The following KCNU1 variants were observed in gnomAD, a reference collection of about 807,000 sequenced individuals.
KCNU1 encodes the protein potassium calcium-activated channel subfamily U member 1.
KCNU1 carries 93 observed loss-of-function variants against 126.8 expected under a neutral mutation model. The ratio of observed to expected loss-of-function variants is 0.73; its 90% CI spans 0.62 to 0.87. KCNU1 has a LOEUF of 0.87. KCNU1 is among the 40% of genes least tolerant of loss of function. The probability of loss-of-function intolerance (pLI) is 0.00; values close to 1 mark genes in which losing one functional copy is unlikely to be tolerated. For synonymous variants in KCNU1, 523 were observed against 494.2 expected (o/e 1.06, Z -0.77); for missense variants, 1,330 against 1,367.1 (o/e 0.97, Z 0.43).
chr8:36,827,734 T>G (rs916338981), intron 10 of KCNU1, among the ~76,000 whole-genome samples: 4 of 152,182 alleles, frequency 2.6e-5, no homozygotes, highest in African/African-American at 9.6e-5. Context: ...CTGATGGTCA[T>G]GTATCACATA....
At chr8:36,806,906 T>C (rs558816266) in intron 5 of KCNU1, among the ~76,000 whole-genome samples, 15 of 152,356 alleles carry the variant, frequency 9.8e-5, no homozygotes, top group Admixed American at 2.0e-4. Flanking sequence ...CTAATGTTAT[T>C]ATCATACCAC....
chr8:36,856,337 G>A (rs1178540858), intron 18 of KCNU1, among the ~76,000 whole-genome samples: 2 of 152,088 alleles, frequency 1.3e-5, no homozygotes, highest in Non-Finnish European at 2.9e-5. Flanking sequence ...TAATTTTCAT[G>A]TCTCATGCTT....
At chr8:36,863,271 T>C (rs546740736) in intron 18 of KCNU1, among the ~76,000 whole-genome samples, 1 of 152,276 alleles carries the variant, frequency 6.6e-6, no homozygotes, top group South Asian at 2.1e-4. Flanking sequence ...AATGAGGTGA[T>C]AAGTGGGATT....
chr8:36,861,243 A>G (rs145226272), intron 18 of KCNU1, among the ~76,000 whole-genome samples: 238 of 152,356 alleles, frequency 1.6e-3, no homozygotes, highest in Non-Finnish European at 8.2e-4. Context: ...CTGCACAGAT[A>G]TATTGCACTC....
At chr8:36,929,430 A>C (rs571302541) in intron 24 of KCNU1, among the ~76,000 whole-genome samples, 77 of 127,952 alleles carry the variant, frequency 6.0e-4, no homozygotes, top group Middle Eastern at 7.3e-3. Context: ...AACAAACAAA[A>C]AAAAACCATG....
At chr8:36,811,407 T>C (rs1215704571) in intron 7 of KCNU1, among the ~76,000 whole-genome samples, 1 of 152,032 alleles carries the variant, frequency 6.6e-6, no homozygotes, top group Non-Finnish European at 1.5e-5. Flanking sequence ...GGGGAACCAA[T>C]GAGACTAGCT....
rs146540304 is a variant in KCNU1 at position 36,850,289 on chromosome 8, T to C, written c.1891+4390T>C. Among the ~76,000 whole-genome samples the C allele has an allele frequency of 5.0e-3, 762 of 152,284 alleles. 2 individuals are homozygous for C. In the Middle Eastern group the frequency reaches 0.065, roughly 13 times the overall value. ...TTTCATTTTTGTTACATATTTTGAA[T>C]CACAAAATTGTTTAGTTTTGATGAT... On this transcript the variant is annotated intron_variant, in intron 18 of 26. Transcript: ENST00000399881.
chr8:36,786,043 A>G (rs1026634323), intron 1 of KCNU1, among the ~76,000 whole-genome samples: 4 of 151,406 alleles, frequency 2.6e-5, no homozygotes, highest in Non-Finnish European at 5.9e-5. Context: ...CTTTTCAATG[A>G]TTTGTTTTAT....
intron 19 of KCNU1, among the ~76,000 whole-genome samples, chr8:36,865,593 C>T (rs1257397873): frequency 7.0e-6 from 1 of 142,452 alleles, no homozygotes; most frequent in Non-Finnish European, 1.5e-5. Context: ...ATAGAAAGAC[C>T]CTGTCTCTGC....
At position 36,911,766 on chromosome 8, in the gene KCNU1, G is replaced by A. The variant is rs569709696; in HGVS notation, c.2521+647G>A. Among the ~76,000 whole-genome samples, 17 of 152,204 alleles carry A rather than the reference G, an allele frequency of 1.1e-4. No homozygotes were observed. In the East Asian group the frequency reaches 3.1e-3, roughly 28 times the overall value. ...GTGCCTATTGCAATTACTGTCATTC[G>A]GTTGATGTTTAACAAATACTTGTTG... On this transcript the variant is annotated intron_variant, in intron 22 of 26. Transcript: ENST00000399881.
At chr8:36,841,034 GTTTT>G (rs756308750) in intron 16 of KCNU1, 31 bp downstream of exon 16, 1,317 of 560,684 alleles carry the variant, frequency 2.3e-3, no homozygotes, top group Middle Eastern at 2.9e-3. Context: ...CTCTTCAGTT[GTTTT>G]TTTTTTTTTT....
At chr8:36,850,886 G>T (rs1487882036) in intron 18 of KCNU1, among the ~76,000 whole-genome samples, 1 of 152,124 alleles carries the variant, frequency 6.6e-6, no homozygotes, top group Non-Finnish European at 1.5e-5. Flanking sequence ...AAAAACAATT[G>T]ACTTTAAATA....
At chr8:36,792,834 T>C (rs1802952335) in intron 2 of KCNU1, among the ~76,000 whole-genome samples, 1 of 152,158 alleles carries the variant, frequency 6.6e-6, no homozygotes, top group South Asian at 2.1e-4. Context: ...ATATAATAAG[T>C]ATATATAGGT....
intron 20 of KCNU1, among the ~76,000 whole-genome samples, chr8:36,907,948 A>G (rs1807696541): frequency 6.6e-6 from 1 of 152,224 alleles, no homozygotes; most frequent in Non-Finnish European, 1.5e-5. Flanking sequence ...AACATTTTGA[A>G]TATATTATGT....
At chr8:36,924,523 C>A (rs570212284) in intron 24 of KCNU1, among the ~76,000 whole-genome samples, 1 of 152,290 alleles carries the variant, frequency 6.6e-6, no homozygotes, top group African/African-American at 2.4e-5. Context: ...AGAGAGAATA[C>A]CACTTCAGTG....
At chr8:36,826,426 T>C (rs1040974706) in intron 10 of KCNU1, among the ~76,000 whole-genome samples, 2 of 152,038 alleles carry the variant, frequency 1.3e-5, no homozygotes, top group Non-Finnish European at 2.9e-5. Flanking sequence ...GCCAGGCTGG[T>C]CTCCAACTCC....
At chr8:36,818,500 T>G (rs1400118728) in intron 10 of KCNU1, among the ~76,000 whole-genome samples, 1 of 152,168 alleles carries the variant, frequency 6.6e-6, no homozygotes, top group Non-Finnish European at 1.5e-5. Context: ...ATTTTTTTCG[T>G]GCTTTTATTT....
chr8:36,878,466 C>A (rs1256366551), intron 19 of KCNU1, among the ~76,000 whole-genome samples: 1 of 152,148 alleles, frequency 6.6e-6, no homozygotes, highest in Non-Finnish European at 1.5e-5. Flanking sequence ...GTGCTGAAGT[C>A]ATATCCCTGC....
At chr8:36,834,916 C>A in intron 12 of KCNU1, 48 bp downstream of exon 12, 1 of 1,243,854 alleles carries the variant, frequency 8.0e-7, no homozygotes, top group Non-Finnish European at 1.2e-6. Context: ...TTTTCTATCT[C>A]TTTTAAAGTA....
Sources: gnomAD v4.1 joint callset for allele counts (sites outside exome capture counted in the v4.1 genomes callset) on GRCh38, gnomAD v4.1.1 for gene constraint, MANE v1.5 for transcripts, NCBI Gene and HGNC (gene_info 2026-07-23, HGNC 2026-07-21) for gene names.